RAD51B: variants seen among roughly 807,000 people sequenced by gnomAD.
The protein encoded by RAD51B is RAD51 paralog B.
Under a neutral mutation model 42.2 loss-of-function variants are expected in RAD51B, and 38 were observed. The observed-to-expected ratio is 0.90, with a 90% CI of 0.70 to 1.18. The LOEUF (loss-of-function observed/expected upper bound fraction) is 1.18. RAD51B is among the 50% of genes most tolerant of loss of function. The probability of loss-of-function intolerance (pLI) is 0.00; values close to 1 mark genes in which losing one functional copy is unlikely to be tolerated. For synonymous variants in RAD51B, 154 were observed against 145.2 expected (o/e 1.06, Z -0.43); for missense variants, 373 against 400.7 (o/e 0.93, Z 0.59).
rs563024664 is a variant in RAD51B at position 68,025,849 on chromosome 14, A to G, written c.756+138645A>G. Among the ~76,000 whole-genome samples the G allele has an allele frequency of 4.6e-5, 7 of 151,928 alleles. No individual in the cohort carries two copies. The East Asian group carries it at 1.4e-3, about 29-fold the overall frequency. On this transcript the variant is annotated intron_variant, in intron 7 of 10. Transcript: ENST00000471583. ...TTATTGATCTTTCGTATGGATTTTT[A>G]TGTCTCAATTTCATTCAGTTTTTCT...
chr14:68,360,419 C>G (rs1020866844), intron 8 of RAD51B, among the ~76,000 whole-genome samples: 1 of 152,266 alleles, frequency 6.6e-6, no homozygotes, highest in African/African-American at 2.4e-5. Context: ...TGGCTGACAT[C>G]CATGACATCA....
At chr14:67,928,968 C>T (rs1379454375) in intron 7 of RAD51B, among the ~76,000 whole-genome samples, 1 of 151,892 alleles carries the variant, frequency 6.6e-6, no homozygotes, top group Non-Finnish European at 1.5e-5. Flanking sequence ...TTTTTCATTT[C>T]TGAGTTTGTT....
At chr14:68,087,090 G>A (rs1035256962) in intron 7 of RAD51B, among the ~76,000 whole-genome samples, 1 of 150,816 alleles carries the variant, frequency 6.6e-6, no homozygotes, top group Non-Finnish European at 1.5e-5. Context: ...AGCCAAGATT[G>A]CACCATTGCA....
At chr14:67,931,268 C>A (rs577352821) in intron 7 of RAD51B, among the ~76,000 whole-genome samples, 1 of 152,132 alleles carries the variant, frequency 6.6e-6, no homozygotes, top group East Asian at 1.9e-4. Context: ...GAGACTCTTT[C>A]TTTTGCTTGG....
At chr14:67,988,898 T>C (rs546178401) in intron 7 of RAD51B, among the ~76,000 whole-genome samples, 5 of 152,380 alleles carry the variant, frequency 3.3e-5, no homozygotes, top group African/African-American at 9.6e-5. Context: ...CCGATTTTTC[T>C]GTAGATATGA....
intron 10 of RAD51B, among the ~76,000 whole-genome samples, chr14:68,536,741 CT>C (rs1345337459): frequency 4.6e-5 from 7 of 152,254 alleles, no homozygotes; most frequent in African/African-American, 1.4e-4. Context: ...TTTAAATAGT[CT>C]TTTTCCCCCC....
At chr14:68,036,375 C>T (rs1480546572) in intron 7 of RAD51B, among the ~76,000 whole-genome samples, 1 of 152,158 alleles carries the variant, frequency 6.6e-6, no homozygotes, top group Non-Finnish European at 1.5e-5. Context: ...TCTAAACAGG[C>T]CTTTGACATT....
chr14:68,319,275 A>G (rs1239906609), intron 8 of RAD51B, among the ~76,000 whole-genome samples: 4 of 152,224 alleles, frequency 2.6e-5, no homozygotes, highest in South Asian at 4.1e-4. Flanking sequence ...GATAAACAAC[A>G]ATTTTTGTAT....
chr14:68,191,542 C>G (rs1281565294), intron 7 of RAD51B, among the ~76,000 whole-genome samples: 1 of 152,174 alleles, frequency 6.6e-6, no homozygotes, highest in Non-Finnish European at 1.5e-5. Context: ...CCATCTGAGA[C>G]TTGGGGAACA....
At chr14:68,321,411 C>G (rs2082155178) in intron 8 of RAD51B, among the ~76,000 whole-genome samples, 1 of 152,200 alleles carries the variant, frequency 6.6e-6, no homozygotes, top group Admixed American at 6.5e-5. Context: ...TTTTGGTTCT[C>G]TCCTTTTGGG....
At chr14:68,291,249 A>ACC in intron 7 of RAD51B, among the ~76,000 whole-genome samples, 1 of 152,182 alleles carries the variant, frequency 6.6e-6, no homozygotes, top group African/African-American at 2.4e-5. Context: ...TCCAGGCTAG[A>ACC]GTGCAATGGT....
chr14:68,028,209 G>A (rs965692564), intron 7 of RAD51B, among the ~76,000 whole-genome samples: 1 of 152,148 alleles, frequency 6.6e-6, no homozygotes, highest in Non-Finnish European at 1.5e-5. Context: ...TCCTCATGTT[G>A]CAGTCATGCC....
chr14:68,047,319 C>T (rs2076318457), intron 7 of RAD51B, among the ~76,000 whole-genome samples: 1 of 152,130 alleles, frequency 6.6e-6, no homozygotes, highest in Admixed American at 6.5e-5. Context: ...GGGAAGAGAA[C>T]ATTTGTTCAG....
chr14:68,564,345 C>T (rs918770980), intron 10 of RAD51B, among the ~76,000 whole-genome samples: 1 of 152,214 alleles, frequency 6.6e-6, no homozygotes, highest in African/African-American at 2.4e-5. Flanking sequence ...CTTGGCTGGT[C>T]TCCTTTTGGG....
At chr14:68,590,809 T>C (rs757099650) in intron 10 of RAD51B, among the ~76,000 whole-genome samples, 5 of 152,150 alleles carry the variant, frequency 3.3e-5, no homozygotes, top group Non-Finnish European at 7.4e-5. Flanking sequence ...CATTCACTAC[T>C]CTATCTGCCC....
chr14:68,409,348 C>G lies in RAD51B; in HGVS notation c.854-2076C>G, dbSNP rs111378832. On this transcript the variant is annotated intron_variant, in intron 8 of 10. Transcript: ENST00000471583. The stretch of plus-strand genomic sequence containing the variant: ...TCAAGAGAAATGGTAAAGACTATAT[C>G]TCTTAGTGGGGGTGAAGAAGTTCTA... Among the ~76,000 whole-genome samples, 224 of 152,248 alleles carry G rather than the reference C, an allele frequency of 1.5e-3. 2 individuals are homozygous for G. Among genetic ancestry groups the G allele is most frequent in the African/African-American group, 5.1e-3 (213 of 41,532 alleles).
chr14:67,881,070 G>T (rs528914829), intron 5 of RAD51B, among the ~76,000 whole-genome samples: 3 of 152,260 alleles, frequency 2.0e-5, no homozygotes, highest in African/African-American at 7.2e-5. Context: ...TGTACAGCAT[G>T]TTACTGTATT....
intron 7 of RAD51B, among the ~76,000 whole-genome samples, chr14:68,282,589 C>T (rs1323051848): frequency 6.6e-6 from 1 of 152,096 alleles, no homozygotes; most frequent in Non-Finnish European, 1.5e-5. Flanking sequence ...TAACACCTTA[C>T]ACAATATCCC....
At chr14:68,271,948 G>T (rs2081112495) in intron 7 of RAD51B, among the ~76,000 whole-genome samples, 3 of 152,150 alleles carry the variant, frequency 2.0e-5, no homozygotes, top group African/African-American at 7.2e-5. Flanking sequence ...TTCTCCAGGG[G>T]GAAGTAAGGC....
Sources: allele counts gnomAD v4.1 joint callset (sites outside exome capture counted in the v4.1 genomes callset), GRCh38; gene constraint gnomAD v4.1.1; transcripts MANE v1.5; gene names NCBI Gene and HGNC (gene_info 2026-07-23, HGNC 2026-07-21).